USH2A: variants seen among roughly 807,000 people sequenced by gnomAD.
The protein encoded by USH2A is usherin.
In USH2A, 443 loss-of-function variants were observed where a neutral mutation model predicts 538.9. That is an observed-to-expected ratio of 0.82 (90% CI 0.76 to 0.89). USH2A has a LOEUF of 0.89. Among genes scored for constraint, USH2A ranks in the 40% least tolerant of loss-of-function variants. USH2A has a pLI of 0.00. For missense variants in USH2A, 6,633 were observed against 6,324.8 expected, an observed-to-expected ratio of 1.05 and a Z score of -1.65; for synonymous variants, 2,413 against 2,273.5, an observed-to-expected ratio of 1.06 and a Z score of -1.75.
At chr1:216,221,996 A>T (rs544147705) in intron 14 of USH2A, among the ~76,000 whole-genome samples, 7 of 152,280 alleles carry the variant, frequency 4.6e-5, no homozygotes, top group African/African-American at 1.4e-4. Context: ...TGAGACAGTG[A>T]GCTCCTTTTA....
chr1:216,023,615 A>G (rs1363783226), intron 32 of USH2A, among the ~76,000 whole-genome samples: 1 of 151,880 alleles, frequency 6.6e-6, no homozygotes, highest in African/African-American at 2.4e-5. Context: ...AGGAAATACT[A>G]TATAATTATA....
At chr1:216,005,924 G>A (rs1050722337) in intron 32 of USH2A, among the ~76,000 whole-genome samples, 14 of 151,606 alleles carry the variant, frequency 9.2e-5, no homozygotes, top group African/African-American at 3.4e-4. Context: ...CATAGATGGA[G>A]AAAAAATAGC....
intron 61 of USH2A, among the ~76,000 whole-genome samples, chr1:215,726,006 T>C (rs1659805939): frequency 6.6e-6 from 1 of 152,220 alleles, no homozygotes; most frequent in Non-Finnish European, 1.5e-5. Context: ...TTCGTGAGAC[T>C]AAATGATTAT....
At chr1:215,897,472 A>C (rs1665377889) in intron 40 of USH2A, among the ~76,000 whole-genome samples, 1 of 152,110 alleles carries the variant, frequency 6.6e-6, no homozygotes, top group Non-Finnish European at 1.5e-5. Context: ...GGATCACCTG[A>C]GGTCAGGAGT....
chr1:215,866,580 A>C (rs1230773694), intron 44 of USH2A, among the ~76,000 whole-genome samples: 1 of 152,218 alleles, frequency 6.6e-6, no homozygotes, highest in East Asian at 1.9e-4. Flanking sequence ...ACGAGTTACA[A>C]GATATTAGGG....
intron 60 of USH2A, among the ~76,000 whole-genome samples, chr1:215,733,128 A>T (rs1660053588): frequency 7.0e-6 from 1 of 141,882 alleles, no homozygotes; most frequent in African/African-American, 2.6e-5. Flanking sequence ...GAAGCTTACA[A>T]CTATGATGGA....
intron 2 of USH2A, 36 bp downstream of exon 2, chr1:216,421,816 G>T: frequency 3.7e-6 from 6 of 1,613,534 alleles, no homozygotes; most frequent in Non-Finnish European, 5.1e-6. Flanking sequence ...CTGGTTTTGG[G>T]GACCTATGAA....
intron 22 of USH2A, among the ~76,000 whole-genome samples, chr1:216,093,295 C>A (rs1334827279): frequency 6.6e-6 from 1 of 152,122 alleles, no homozygotes; most frequent in Non-Finnish European, 1.5e-5. Context: ...TTGGCTGGCA[C>A]CTGCGGACTA....
Position 216,246,966 on chromosome 1 carries a change from C to T in USH2A, c.2428G>A (p.Ala810Thr), listed in dbSNP as rs1268521173. 1 of 1,614,078 alleles carries T rather than the reference C, an allele frequency of 6.2e-7. No individual in the cohort carries two copies. Among genetic ancestry groups the T allele is most frequent in the East Asian group, 2.2e-5 (1 of 44,842 alleles). The change falls in exon 13 of 72, where the codon GCT becomes ACT. Residue 810 changes from alanine to threonine, a missense_variant. Transcript: ENST00000307340. ...TTGCAGATGCACTGCCCTGTCTTAG[C>T]ATTACAGACAGTCCCAGGGAGGGAT... The part of the protein sequence containing the change: ...AGSLPGTVCN[A>T]KTGQCICKPN...
At chr1:216,260,150 C>G (rs1571632138) in intron 11 of USH2A, among the ~76,000 whole-genome samples, 1 of 151,840 alleles carries the variant, frequency 6.6e-6, no homozygotes, top group African/African-American at 2.4e-5. Flanking sequence ...AAAATATAAC[C>G]CATAATTTTA....
chr1:216,092,708 G>A (rs1403264237), intron 22 of USH2A, among the ~76,000 whole-genome samples: 1 of 152,164 alleles, frequency 6.6e-6, no homozygotes, highest in East Asian at 1.9e-4. Context: ...CACAGTCCTT[G>A]CTAGCATAAG....
chr1:215,937,757 G>A (rs2102502681), intron 37 of USH2A, among the ~76,000 whole-genome samples: 1 of 152,194 alleles, frequency 6.6e-6, no homozygotes, highest in Non-Finnish European at 1.5e-5. Context: ...AATTTGTAAA[G>A]CAACAATGGA....
intron 59 of USH2A, 66 bp from the exon 60 acceptor site, chr1:215,741,603 C>T: frequency 5.1e-6 from 8 of 1,559,302 alleles, no homozygotes; most frequent in Non-Finnish European, 6.1e-6. Flanking sequence ...CATATTCATA[C>T]AGAAGGGTAA....
chr1:216,030,210 CAT>C (rs1202907613), intron 32 of USH2A, among the ~76,000 whole-genome samples: 3 of 136,892 alleles, frequency 2.2e-5, no homozygotes, highest in South Asian at 4.5e-4. Flanking sequence ...CTACATCACA[CAT>C]ATATTATATA....
intron 61 of USH2A, among the ~76,000 whole-genome samples, chr1:215,692,044 T>C (rs1304643652): frequency 6.6e-6 from 1 of 152,198 alleles, no homozygotes; most frequent in Non-Finnish European, 1.5e-5. Flanking sequence ...CAATACAGTG[T>C]GTTCTCCTTG....
At chr1:216,245,687 T>C (rs1419796576) in intron 13 of USH2A, among the ~76,000 whole-genome samples, 3 of 152,162 alleles carry the variant, frequency 2.0e-5, no homozygotes, top group Non-Finnish European at 4.4e-5. Flanking sequence ...GAACTCTTCA[T>C]CAATTCCTTC....
chr1:215,969,313 C>A (rs896366239), intron 36 of USH2A, among the ~76,000 whole-genome samples: 1 of 152,042 alleles, frequency 6.6e-6, no homozygotes, highest in Non-Finnish European at 1.5e-5. Flanking sequence ...GTTTTACAAC[C>A]CAATTCTATT....
chr1:215,840,012 G>T (rs1250620829), intron 46 of USH2A, among the ~76,000 whole-genome samples: 1 of 151,106 alleles, frequency 6.6e-6, no homozygotes, highest in Non-Finnish European at 1.5e-5. Context: ...ACACACAAAA[G>T]AATAACCTGG....
At chr1:215,715,607 T>C (rs754008064) in intron 61 of USH2A, among the ~76,000 whole-genome samples, 4 of 152,176 alleles carry the variant, frequency 2.6e-5, no homozygotes, top group South Asian at 2.1e-4. Context: ...ATTTCAGAGA[T>C]AATGAAGAGA....
Sources: allele counts gnomAD v4.1 joint callset (sites outside exome capture counted in the v4.1 genomes callset), GRCh38; gene constraint gnomAD v4.1.1; transcripts MANE v1.5; gene names NCBI Gene and HGNC (gene_info 2026-07-23, HGNC 2026-07-21).